QSOX1: variants seen among roughly 807,000 people sequenced by gnomAD.
The protein encoded by QSOX1 is sulfhydryl oxidase 1.
A neutral mutation model predicts 76.1 loss-of-function variants in QSOX1; 40 were observed. The observed-to-expected ratio is 0.53, with a 90% CI of 0.41 to 0.68. The LOEUF (loss-of-function observed/expected upper bound fraction) is 0.68, where lower values mean the gene tolerates loss of function less well. Among genes scored for constraint, QSOX1 ranks in the 30% least tolerant of loss-of-function variants. The pLI, the probability that QSOX1 is intolerant of heterozygous loss-of-function variation, is 0.00. For missense variants in QSOX1, 931 were observed against 974.3 expected, an observed-to-expected ratio of 0.96 and a Z score of 0.59; for synonymous variants, 392 against 413.1, an observed-to-expected ratio of 0.95 and a Z score of 0.62.
chr1:180,178,231 CTTTT>C (rs1662944895), intron 4 of QSOX1, among the ~76,000 whole-genome samples: 1 of 152,158 alleles, frequency 6.6e-6, no homozygotes, highest in African/African-American at 2.4e-5. Flanking sequence ...ACTTCCGACT[CTTTT>C]TGTTTGTTTG....
chr1:180,161,719 C>T (rs1021887047), intron 1 of QSOX1, among the ~76,000 whole-genome samples: 2 of 152,134 alleles, frequency 1.3e-5, no homozygotes, highest in Non-Finnish European at 2.9e-5. Context: ...GAACCAGCAA[C>T]GTTTCAAATT....
intron 1 of QSOX1, among the ~76,000 whole-genome samples, chr1:180,160,492 T>A (rs565946653): frequency 6.6e-6 from 1 of 152,118 alleles, no homozygotes; most frequent in South Asian, 2.1e-4. Flanking sequence ...GTTGCTGAAG[T>A]TACCCACTGG....
intron 2 of QSOX1, among the ~76,000 whole-genome samples, chr1:180,166,998 C>T (rs1255612297): frequency 6.6e-6 from 1 of 152,230 alleles, no homozygotes; most frequent in African/African-American, 2.4e-5. Context: ...GTCAGAATGT[C>T]AGTGCCTCAG....
intron 1 of QSOX1, among the ~76,000 whole-genome samples, chr1:180,166,068 A>G (rs1662611708): frequency 6.6e-6 from 1 of 151,944 alleles, no homozygotes. Context: ...CAGATCCCCT[A>G]AGGCATGTTC....
intron 6 of QSOX1, among the ~76,000 whole-genome samples, chr1:180,182,884 AGGAGCATT>A (rs775146271): frequency 7.9e-5 from 12 of 152,164 alleles, no homozygotes; most frequent in Non-Finnish European, 4.4e-5. Flanking sequence ...CCCCGCAGGC[AGGAGCATT>A]GGGCCAGGGA....
At chr1:180,195,140 C>T (rs966411686) in intron 11 of QSOX1, among the ~76,000 whole-genome samples, 8 of 152,250 alleles carry the variant, frequency 5.3e-5, no homozygotes, top group Middle Eastern at 3.4e-3. Flanking sequence ...CTCCTTCCCC[C>T]ACCCCGCCCC....
chr1:180,158,066 T>G (rs1286281392), intron 1 of QSOX1, among the ~76,000 whole-genome samples: 1 of 152,264 alleles, frequency 6.6e-6, no homozygotes, highest in African/African-American at 2.4e-5. Flanking sequence ...ATGACAATCC[T>G]TACCCGGGAA....
intron 4 of QSOX1, among the ~76,000 whole-genome samples, chr1:180,176,410 G>A (rs12075337): frequency 0.071 from 10,803 of 152,270 alleles, 529 homozygotes; most frequent in East Asian, 0.16. Context: ...CTCTATCCCC[G>A]GGAAGGCCAC....
In QSOX1 at chr1:180,196,209, GT is replaced by G. The variant is rs1558194670; in HGVS notation, c.1469-48del. On this transcript the variant is annotated intron_variant, in intron 11 of 11. Transcript: ENST00000367602. This position sits in a 1 kb window ranked among gnomAD's most constrained non-coding sequence, Gnocchi z 4.1. ...TTCTGAGTGGAGGAGTGTGGTCTGGGTTTTTGGGTGGGACTGATGTCACCAC... is the reference window on the plus strand; with the variant it reads ...TTCTGAGTGGAGGAGTGTGGTCTGGGTTTTGGGTGGGACTGATGTCACCAC... 3.9e-6 allele frequency: 6 copies of G among 1,553,544 alleles called. No individual in the cohort carries two copies. The highest frequency in any genetic ancestry group is 5.2e-6 in the Non-Finnish European group (6 of 1,145,190).
At position 180,196,561 on chromosome 1, in the gene QSOX1, A is replaced by C. The variant is rs754895324; in HGVS notation, c.1768A>C (p.Thr590Pro). Residue 590 changes from threonine (T) to proline (P), a missense_variant, in exon 12 of 12, where the codon ACA (threonine) becomes CCA (proline). Physicochemically the swap from Thr to Pro is conservative, Grantham distance 38 (BLOSUM62 -1). Coordinates refer to ENST00000367602, the MANE Select transcript of QSOX1 (RefSeq NM_002826.5). The surrounding 1 kb of genome is among the most constrained non-coding windows in gnomAD (Gnocchi z 4.1). ...GAAGCCTGAGATGATGAAGTCCCCC[A>C]CAAACACCACCCCACATGTGCCGGC... ...PGKPEMMKSP[T>P]NTTPHVPAEG... 3.7e-6 allele frequency: 6 copies of C among 1,614,166 alleles called. No homozygotes were observed. The highest frequency in any genetic ancestry group is 2.2e-5 in the East Asian group (1 of 44,884).
intron 1 of QSOX1, among the ~76,000 whole-genome samples, chr1:180,159,628 C>T (rs56882898): frequency 0.022 from 3,357 of 152,294 alleles, 175 homozygotes; most frequent in East Asian, 0.22. Context: ...TTGGTTATTT[C>T]GGTCCCTTTT....
At chr1:180,171,050 G>C (rs1662748252) in intron 2 of QSOX1, among the ~76,000 whole-genome samples, 1 of 152,166 alleles carries the variant, frequency 6.6e-6, no homozygotes, top group African/African-American at 2.4e-5. Flanking sequence ...ATTGACAGTG[G>C]GGAGTCATGG....
chr1:180,172,145 C>T (rs1183174339), intron 2 of QSOX1, among the ~76,000 whole-genome samples: 1 of 152,132 alleles, frequency 6.6e-6, no homozygotes, highest in East Asian at 1.9e-4. Flanking sequence ...GGCCTCTCTT[C>T]ATCCCCATCC....
rs771951030 is a variant in QSOX1, at chr1:180,189,606, C to A, written c.1072C>A (p.Leu358Ile). ...CTTCCTGCACTCCGTGAATGAATGG[C>A]TCAAGAGGCAGAAGAGAAATAAAAT... ...QNFLHSVNEWLKRQKRNKIPY... is the reference protein window; with the variant it reads ...QNFLHSVNEWIKRQKRNKIPY... The change falls in exon 9 of 12, where the codon CTC becomes ATC. Residue 358 changes from leucine (L) to isoleucine (I), a missense_variant. By Grantham distance (5) the Leu-to-Ile change is conservative. Coordinates refer to ENST00000367602, the MANE Select transcript of QSOX1 (RefSeq NM_002826.5). 1 of 1,613,534 alleles carries A rather than the reference C, an allele frequency of 6.2e-7. No individual in the cohort carries two copies. Among genetic ancestry groups the A allele is most frequent in the Non-Finnish European group, 8.5e-7 (1 of 1,179,680 alleles).
At chr1:180,194,442 G>C (rs1663408431) in intron 11 of QSOX1, 50 bp downstream of exon 11, 1 of 1,497,686 alleles carries the variant, frequency 6.7e-7, no homozygotes, top group Admixed American at 2.2e-5. Flanking sequence ...GGGACGAGGG[G>C]GTGAGGATAC....
intron 6 of QSOX1, among the ~76,000 whole-genome samples, chr1:180,183,615 G>A (rs1363103299): frequency 6.6e-6 from 1 of 152,210 alleles, no homozygotes; most frequent in African/African-American, 2.4e-5. Flanking sequence ...GCCTTTCCAT[G>A]CCCTGCCTGG....
chr1:180,203,337 T>C lies in QSOX1; in HGVS notation c.*6300T>C, dbSNP rs1178181559. The C allele has an allele frequency of 2.0e-5, 3 of 152,184 alleles. No individual in the cohort carries two copies. Among genetic ancestry groups the C allele is most frequent in the Non-Finnish European group, 4.4e-5 (3 of 68,044 alleles). The allele number at this position is 152,184 out of a possible 1,614,324, so 9.4% of individuals were successfully genotyped here. A position where few individuals can be genotyped will look rare whatever the true frequency, so the allele number is the denominator to read the frequency against. On this transcript the variant is annotated 3_prime_UTR_variant, in exon 12 of 12. Transcript: ENST00000367602. ...CACACTGAACTGTGAATAGCAGTTA[T>C]ATTTAGAAAGCAACATTAGGATGAA...
intron 8 of QSOX1, 55 bp downstream of exon 8, chr1:180,186,237 C>T (rs1272136756): frequency 6.0e-5 from 87 of 1,445,456 alleles, no homozygotes; most frequent in Middle Eastern, 2.4e-4. Context: ...GGTCAGTGTG[C>T]GTTCCTGTAA....
chr1:180,179,116 C>G (rs1486447568), intron 5 of QSOX1, among the ~76,000 whole-genome samples: 1 of 152,236 alleles, frequency 6.6e-6, no homozygotes, highest in Non-Finnish European at 1.5e-5. Context: ...ATAACACCTG[C>G]TGTTATTGAG....
Sources: allele counts gnomAD v4.1 joint callset (sites outside exome capture counted in the v4.1 genomes callset), GRCh38; gene constraint gnomAD v4.1.1; non-coding constraint Gnocchi (gnomAD v3.1); transcripts MANE v1.5; gene names NCBI Gene and HGNC (gene_info 2026-07-23, HGNC 2026-07-21).